The following SLC39A11 variants were observed in gnomAD, a reference collection of about 807,000 sequenced individuals.
The protein encoded by SLC39A11 is zinc transporter ZIP11.
A neutral mutation model predicts 36.1 loss-of-function variants in SLC39A11; 33 were observed. The observed-to-expected ratio is 0.91, with a 90% CI of 0.69 to 1.22. SLC39A11 has a LOEUF of 1.22. SLC39A11 is among the 50% of genes most tolerant of loss of function. The pLI is 0.00. For missense variants in SLC39A11, 432 were observed against 430.3 expected, an observed-to-expected ratio of 1.00 and a Z score of -0.03; for synonymous variants, 166 against 170.3, an observed-to-expected ratio of 0.97 and a Z score of 0.20.
intron 3 of SLC39A11, among the ~76,000 whole-genome samples, chr17:73,062,615 C>CT (rs924924073): frequency 6.6e-6 from 1 of 151,748 alleles, no homozygotes; most frequent in Admixed American, 6.6e-5. Context: ...AGAAACTTTC[C>CT]ATGTAGAAAA....
At chr17:72,800,107 G>T (rs369119045) in intron 6 of SLC39A11, among the ~76,000 whole-genome samples, 1 of 151,952 alleles carries the variant, frequency 6.6e-6, no homozygotes. Context: ...TTAGGGGCAG[G>T]TTCCCCCAAT....
At chr17:72,874,510 G>A (rs779790530) in intron 5 of SLC39A11, among the ~76,000 whole-genome samples, 51 of 152,144 alleles carry the variant, frequency 3.4e-4, no homozygotes, top group Non-Finnish European at 1.0e-4. Flanking sequence ...CAGGAGGGAG[G>A]GGAAAACCCC....
At chr17:72,968,349 G>A (rs2087175298) in intron 4 of SLC39A11, among the ~76,000 whole-genome samples, 1 of 152,220 alleles carries the variant, frequency 6.6e-6, no homozygotes, top group South Asian at 2.1e-4. Flanking sequence ...GTAGCTGCAT[G>A]ACGATCTCTC....
chr17:72,816,804 T>C (rs2077598194), intron 6 of SLC39A11, among the ~76,000 whole-genome samples: 1 of 152,218 alleles, frequency 6.6e-6, no homozygotes, highest in African/African-American at 2.4e-5. Flanking sequence ...TATTGGAGAT[T>C]GGATTTCATA....
At chr17:72,679,087 G>A (rs2071400147) in intron 7 of SLC39A11, among the ~76,000 whole-genome samples, 1 of 152,176 alleles carries the variant, frequency 6.6e-6, no homozygotes, top group African/African-American at 2.4e-5. Flanking sequence ...CATGCTGGTA[G>A]AGTAGAATGG....
chr17:72,945,057 A>ATGGATGGATGGC (rs1174603644), intron 5 of SLC39A11, among the ~76,000 whole-genome samples: 3 of 151,948 alleles, frequency 2.0e-5, no homozygotes, highest in African/African-American at 7.3e-5. Flanking sequence ...GGATGGATGG[A>ATGGATGGATGGC]TGGATGGATG....
intron 4 of SLC39A11, among the ~76,000 whole-genome samples, chr17:72,955,509 A>AT: frequency 7.2e-6 from 1 of 139,054 alleles, no homozygotes; most frequent in Non-Finnish European, 1.5e-5. Context: ...AGGTTTCACC[A>AT]TGTTGGCCAG....
At chr17:72,821,013 C>A (rs1389462573) in intron 6 of SLC39A11, among the ~76,000 whole-genome samples, 3 of 151,052 alleles carry the variant, frequency 2.0e-5, no homozygotes, top group African/African-American at 7.3e-5. Flanking sequence ...TCTGCCTAGT[C>A]TTCCCAGGAT....
chr17:73,023,228 A>G lies in SLC39A11; in HGVS notation c.306+8328T>C, dbSNP rs568747642. ...TACCATCTTTCAATCACAGTGCCTA[A>G]AAAAAAAAAAAGATGTTACCCTGGG... On this transcript the variant is annotated intron_variant, in intron 4 of 9. Transcript: ENST00000255559. Among the ~76,000 whole-genome samples, 65 of 147,044 alleles carry G rather than the reference A, an allele frequency of 4.4e-4. No individual in the cohort carries two copies. In the South Asian group the frequency reaches 0.012, roughly 27 times the overall value.
At position 72,820,572 on chromosome 17, in the gene SLC39A11, C is replaced by T. The variant is rs1307263180; in HGVS notation, c.601+29062G>A. On this transcript the variant is annotated intron_variant, in intron 6 of 9. Coordinates refer to ENST00000255559, the MANE Select transcript of SLC39A11 (RefSeq NM_139177.4). The stretch of plus-strand genomic sequence containing the variant: ...ACTGGGATTGCAGAGCTCAGCAAGA[C>T]TCTGTCCCCAAAGAGCCCATGCTCT... Among the ~76,000 whole-genome samples the T allele has an allele frequency of 2.0e-5, 3 of 151,370 alleles. 1 individual carries two copies. The highest frequency in any genetic ancestry group is 4.4e-5 in the Non-Finnish European group (3 of 67,484).
At chr17:72,984,147 C>T (rs1225471189) in intron 4 of SLC39A11, among the ~76,000 whole-genome samples, 2 of 152,118 alleles carry the variant, frequency 1.3e-5, no homozygotes, top group Admixed American at 6.5e-5. Flanking sequence ...GCAGGCCCAT[C>T]GAATTGCCAC....
At chr17:72,740,056 C>CCTTTTT (rs758554593) in intron 6 of SLC39A11, among the ~76,000 whole-genome samples, 1 of 81,464 alleles carries the variant, frequency 1.2e-5, no homozygotes, top group African/African-American at 5.2e-5. Flanking sequence ...CTTTCCTTTT[C>CCTTTTT]TTTTTTTTTT....
chr17:72,966,913 C>A (rs2087027604), intron 4 of SLC39A11, among the ~76,000 whole-genome samples: 1 of 152,172 alleles, frequency 6.6e-6, no homozygotes, highest in Non-Finnish European at 1.5e-5. Context: ...GGAATTACTG[C>A]CTGAGCTCCA....
At chr17:73,003,819 C>G (rs1361922838) in intron 4 of SLC39A11, among the ~76,000 whole-genome samples, 2 of 152,122 alleles carry the variant, frequency 1.3e-5, no homozygotes, top group Non-Finnish European at 2.9e-5. Flanking sequence ...GGTACGGTGG[C>G]TCATGCCTAT....
At chr17:72,911,707 GA>G in intron 5 of SLC39A11, among the ~76,000 whole-genome samples, 1 of 152,262 alleles carries the variant, frequency 6.6e-6, no homozygotes, top group East Asian at 1.9e-4. Context: ...ACAATGGTGT[GA>G]TCTCAGCTCA....
intron 6 of SLC39A11, among the ~76,000 whole-genome samples, chr17:72,833,591 C>A (rs1045963813): frequency 6.6e-6 from 1 of 152,180 alleles, no homozygotes; most frequent in Non-Finnish European, 1.5e-5. Context: ...CGGTTAACAT[C>A]CTTTCTTTCA....
intron 4 of SLC39A11, among the ~76,000 whole-genome samples, chr17:73,019,810 C>A (rs1359231693): frequency 6.6e-6 from 1 of 152,022 alleles, no homozygotes; most frequent in East Asian, 1.9e-4. Flanking sequence ...ACTGAACATT[C>A]CAATTAAGAG....
chr17:72,663,142 A>G (rs998174216), intron 7 of SLC39A11, among the ~76,000 whole-genome samples: 8 of 152,368 alleles, frequency 5.3e-5, no homozygotes, highest in African/African-American at 1.9e-4. Context: ...CAACCAAGCT[A>G]TGCCTTCTTA....
At chr17:72,753,039 G>A (rs534125108) in intron 6 of SLC39A11, among the ~76,000 whole-genome samples, 9 of 151,744 alleles carry the variant, frequency 5.9e-5, no homozygotes, top group African/African-American at 2.2e-4. Flanking sequence ...TTTAGTTTTT[G>A]TAGAGACCAT....
Sources: gnomAD v4.1 joint callset for allele counts (sites outside exome capture counted in the v4.1 genomes callset) on GRCh38, gnomAD v4.1.1 for gene constraint, MANE v1.5 for transcripts, NCBI Gene and HGNC (gene_info 2026-07-23, HGNC 2026-07-21) for gene names.